Variants in TTC31 observed in about 807,000 individuals in gnomAD.
TTC31 encodes tetratricopeptide repeat domain 31.
A neutral mutation model predicts 60.4 loss-of-function variants in TTC31; 59 were observed. The observed-to-expected ratio is 0.98, with a 90% CI of 0.79 to 1.21. The LOEUF is 1.21. Ranked by LOEUF, TTC31 falls within the 50% of genes most tolerant of loss-of-function variation. TTC31 has a pLI of 0.00. For missense variants in TTC31, 672 were observed against 646.9 expected, an observed-to-expected ratio of 1.04 and a Z score of -0.42; for synonymous variants, 225 against 249.6, an observed-to-expected ratio of 0.90 and a Z score of 0.93.
In TTC31 at chr2:74,492,131, CT is replaced by C; in HGVS notation, c.929-5del. On this transcript the variant is annotated splice_polypyrimidine_tract_variant and splice_region_variant and intron_variant, in intron 9 of 12. Transcript: ENST00000233623. ...CATCTGAACCTTCTCACCCTCTTTC[CT>C]TTCCAGAGTTGGGTACCAGCTTTGC... 3.1e-6 allele frequency: 5 copies of C among 1,614,224 alleles called. No individual in the cohort carries two copies. The highest frequency in any genetic ancestry group is 4.2e-6 in the Non-Finnish European group (5 of 1,180,042).
At position 74,491,627 on chromosome 2, in the gene TTC31, G is replaced by A; in HGVS notation, c.831G>A (p.Glu277=). Reference sequence around the variant, plus strand: ...TCCAGAAGATGGGTCAAGAGGAAGAGAGCCCTCCAAGAGAGGAGAGGCCCC... The same window carrying A: ...TCCAGAAGATGGGTCAAGAGGAAGAAAGCCCTCCAAGAGAGGAGAGGCCCC... ...LALQKMGQEE[E]SPPREERPQQ... Residue 277 remains glutamate, a synonymous_variant, in exon 8 of 13, where the codon GAG becomes GAA. Transcript: ENST00000233623. 1 of 1,614,216 alleles carries A rather than the reference G, an allele frequency of 6.2e-7. No individual in the cohort carries two copies.
intron 2 of TTC31, among the ~76,000 whole-genome samples, chr2:74,487,836 T>C (rs1673313935): frequency 1.3e-5 from 2 of 151,804 alleles, no homozygotes; most frequent in South Asian, 2.1e-4. Context: ...TGTGCCACCA[T>C]GCCCAGCTAA....
At chr2:74,491,769 G>T (rs750159915) in intron 8 of TTC31, 97 bp downstream of exon 8, 5 of 1,482,576 alleles carry the variant, frequency 3.4e-6, no homozygotes, top group Non-Finnish European at 4.6e-6. Context: ...ACAGGGTCCA[G>T]TGGGAGTTCT....
At chr2:74,492,901 C>A (rs374582794) in intron 12 of TTC31, 21 bp from the exon 13 acceptor site, 5 of 1,588,360 alleles carry the variant, frequency 3.1e-6, no homozygotes, top group Admixed American at 1.7e-5. Flanking sequence ...GGATCTGGTG[C>A]CCTTCTCTCT....
At position 74,492,957 on chromosome 2, in the gene TTC31, G is replaced by A; in HGVS notation, c.1299G>A (p.Leu433=). Residue 433 remains leucine, a synonymous_variant, in exon 13 of 13, where the codon CTG becomes CTA. Coordinates refer to ENST00000233623, the MANE Select transcript of TTC31 (RefSeq NM_022492.6). ...GAGGAGGAATCTGTGCACCACCTCT[G>A]TCACCTGGGGCCCTCCAGCCACTTC... ...GQRGGICAPP[L]SPGALQPLPH... 1 of 1,612,926 alleles carries A rather than the reference G, an allele frequency of 6.2e-7. No homozygotes were observed. Among genetic ancestry groups the A allele is most frequent in the Non-Finnish European group, 8.5e-7 (1 of 1,179,130 alleles).
At chr2:74,483,267 C>A in intron 1 of TTC31, 55 bp from the exon 2 acceptor site, 1 of 1,613,170 alleles carries the variant, frequency 6.2e-7, no homozygotes, top group South Asian at 1.1e-5. Flanking sequence ...GTGGGGAGGA[C>A]TCTAGCCCAT....
rs1200700935 is a variant in TTC31 at position 74,493,512 on chromosome 2, G to C, written c.*294G>C. The C allele has an allele frequency of 5.9e-6, 2 of 337,860 alleles. No homozygotes were observed. The highest frequency in any genetic ancestry group is 1.1e-5 in the Non-Finnish European group (2 of 184,156). 20.9% of individuals were successfully genotyped at this position (337,860 alleles called of 1,614,324 possible). A position where few individuals can be genotyped will look rare whatever the true frequency, so the allele number is the denominator to read the frequency against. ...AAGTTCAGGTTTTTAGGCTATAGCA[G>C]AGACAGTGAGAAAGCATCTGGGCCT... On this transcript the variant is annotated 3_prime_UTR_variant, in exon 13 of 13. Coordinates refer to ENST00000233623, the MANE Select transcript of TTC31 (RefSeq NM_022492.6).
Position 74,492,762 on chromosome 2 carries a change from C to A in TTC31, c.1263+15C>A, listed in dbSNP as rs1440187068. ...ACCTCACACTGGTAAGGGGGCCAGG[C>A]ACACTGTCATGCTGAGGCGGGTATC... On this transcript the variant is annotated intron_variant, in intron 12 of 12. Transcript: ENST00000233623. 6.2e-7 allele frequency: 1 copy of A among 1,613,482 alleles called. No individual in the cohort carries two copies. The highest frequency in any genetic ancestry group is 1.7e-5 in the Admixed American group (1 of 59,984).
intron 12 of TTC31, 28 bp downstream of exon 12, chr2:74,492,775 TGAGGCGGGTATCAGG>T (rs752451171): frequency 2.3e-4 from 377 of 1,610,788 alleles, no homozygotes; most frequent in Non-Finnish European, 2.9e-4. Context: ...ACTGTCATGC[TGAGGCGGGTATCAGG>T]GAGAATTGGC....
chr2:74,487,042 A>C (rs1169688730), intron 2 of TTC31, among the ~76,000 whole-genome samples: 1 of 152,236 alleles, frequency 6.6e-6, no homozygotes, highest in African/African-American at 2.4e-5. Context: ...ATGGGAGCAC[A>C]GTTGGTATGT....
chr2:74,488,602 C>G (rs551650102), intron 2 of TTC31, among the ~76,000 whole-genome samples: 1 of 152,276 alleles, frequency 6.6e-6, no homozygotes, highest in African/African-American at 2.4e-5. Context: ...AATGACTTCT[C>G]CAGAATCAAA....
rs770552540 is a variant in TTC31, at chr2:74,483,410, G to A, written c.129G>A (p.Glu43=). ...KEFGPEDYGE[E]DIVDFLRRLV... ...TCGGTCCAGAGGATTACGGCGAAGA[G>A]GTAAAAGCGACCCTCAGTTTCCCCC... The change falls in exon 2 of 13, where the codon GAG becomes GAA. Residue 43 remains glutamate, a splice_region_variant and synonymous_variant. Coordinates refer to ENST00000233623, the MANE Select transcript of TTC31 (RefSeq NM_022492.6). 2 of 1,614,170 alleles carry A rather than the reference G, an allele frequency of 1.2e-6. No individual in the cohort carries two copies. Among genetic ancestry groups the A allele is most frequent in the Non-Finnish European group, 8.5e-7 (1 of 1,180,022 alleles).
Position 74,490,098 on chromosome 2 carries a change from G to A in TTC31, c.203G>A (p.Ser68Asn). 6.3e-7 allele frequency: 1 copy of A among 1,591,544 alleles called. No homozygotes were observed. The highest frequency in any genetic ancestry group is 8.6e-7 in the Non-Finnish European group (1 of 1,168,748). The change falls in exon 3 of 13, where the codon AGC becomes AAC. Residue 68 changes from serine to asparagine, a missense_variant. By Grantham distance (46) the Ser-to-Asn change is conservative (BLOSUM62 1). Coordinates refer to ENST00000233623, the MANE Select transcript of TTC31 (RefSeq NM_022492.6). Reference protein sequence around the residue: ...QGLHRIHVDGSSGRLQLWHHD... With the variant: ...QGLHRIHVDGNSGRLQLWHHD... ...CTGCACCGGATCCATGTGGATGGGA[G>A]CAGCGGGCGGCTGCAGCTGTGGCAC...
rs752104717 is a variant in TTC31, at chr2:74,492,195, A to T, written c.985A>T (p.Thr329Ser). 7 of 1,614,156 alleles carry T rather than the reference A, an allele frequency of 4.3e-6. No individual in the cohort carries two copies. The Admixed American group carries it at 1.2e-4, about 27-fold the overall frequency. Residue 329 changes from threonine (T) to serine (S), a missense_variant, in exon 10 of 13, where the codon ACC (threonine) becomes TCC (serine). Physicochemically the swap from Thr to Ser is moderately conservative, Grantham distance 58 (BLOSUM62 1). Transcript: ENST00000233623. ...GFYHEAVVLFTQALKLNPQDH... is the reference protein window; with the variant it reads ...GFYHEAVVLFSQALKLNPQDH... ...CTACCATGAGGCCGTGGTCCTCTTC[A>T]CCCAGGCCTTGAAGCTCAACCCCCA...
At chr2:74,483,540 C>G (rs776039947) in intron 2 of TTC31, 130 bp downstream of exon 2, 15 of 1,537,350 alleles carry the variant, frequency 9.8e-6, no homozygotes, top group South Asian at 8.3e-5. Flanking sequence ...TTGTAGTCTC[C>G]GGCCATGCCC....
intron 8 of TTC31, 130 bp downstream of exon 8, chr2:74,491,802 T>A (rs1237478168): frequency 7.2e-7 from 1 of 1,391,836 alleles, no homozygotes; most frequent in Non-Finnish European, 9.9e-7. Flanking sequence ...TCAAGAGACC[T>A]ACAGTCAGGC....
intron 2 of TTC31, among the ~76,000 whole-genome samples, chr2:74,484,943 T>A (rs971992758): frequency 3.3e-5 from 5 of 152,124 alleles, no homozygotes; most frequent in Non-Finnish European, 4.4e-5. Flanking sequence ...AACTTTCATC[T>A]AGTTGTTTAA....
rs752345943 is a variant in TTC31, at chr2:74,493,219, G to C, written c.*1G>C. 1.9e-6 allele frequency: 3 copies of C among 1,613,990 alleles called. No individual in the cohort carries two copies. On this transcript the variant is annotated 3_prime_UTR_variant, in exon 13 of 13. Transcript: ENST00000233623. ...CCAGCATCTGTCTCAGGCCAGATGA[G>C]GGGGCACCGGTCCCTCATAGGGCAG...
chr2:74,491,291 C>G lies in TTC31; in HGVS notation c.604-4C>G. On this transcript the variant is annotated splice_polypyrimidine_tract_variant and splice_region_variant and intron_variant, in intron 6 of 12. Transcript: ENST00000233623. Reference sequence around the variant, plus strand: ...AACTCTGTACCTGTCTATCTTTCTTCCAGGCCAGCACTACCTCAGATGGAG... The same window carrying G: ...AACTCTGTACCTGTCTATCTTTCTTGCAGGCCAGCACTACCTCAGATGGAG... 4 of 1,614,184 alleles carry G rather than the reference C, an allele frequency of 2.5e-6. No individual in the cohort carries two copies.
Sources: allele counts gnomAD v4.1 joint callset (sites outside exome capture counted in the v4.1 genomes callset), GRCh38; gene constraint gnomAD v4.1.1; transcripts MANE v1.5; gene names NCBI Gene and HGNC (gene_info 2026-07-23, HGNC 2026-07-21).